Variants in ESCO2 observed in about 807,000 individuals in gnomAD.
The protein encoded by ESCO2 is establishment of sister chromatid cohesion N-acetyltransferase 2, also known as N-acetyltransferase ESCO2.
Under a neutral mutation model 61.7 loss-of-function variants are expected in ESCO2, and 51 were observed. The ratio of observed to expected loss-of-function variants is 0.83; its 90% CI spans 0.66 to 1.04. The LOEUF (loss-of-function observed/expected upper bound fraction) is 1.04. Ranked by LOEUF, ESCO2 falls within the 50% of genes least tolerant of loss-of-function variation. ESCO2 has a pLI of 0.00. For missense variants in ESCO2, 692 were observed against 686.2 expected, an observed-to-expected ratio of 1.01 and a Z score of -0.09; for synonymous variants, 230 against 238.2, an observed-to-expected ratio of 0.97 and a Z score of 0.32.
intron 9 of ESCO2, 119 bp downstream of exon 9, chr8:27,792,930 C>T: frequency 1.7e-6 from 2 of 1,151,002 alleles, no homozygotes; most frequent in Non-Finnish European, 2.4e-6. Flanking sequence ...CTGAAATATC[C>T]TTGACCTAGT....
At chr8:27,806,235 A>G (rs1805559227), downstream of ESCO2, among the ~76,000 whole-genome samples, 1 of 152,184 alleles carries the variant, frequency 6.6e-6, no homozygotes, top group Non-Finnish European at 1.5e-5. Context: ...ACAGAAACAT[A>G]TTCCTATTGA....
chr8:27,789,459 A>T (rs1335372380), intron 7 of ESCO2, among the ~76,000 whole-genome samples: 1 of 152,116 alleles, frequency 6.6e-6, no homozygotes, highest in Non-Finnish European at 1.5e-5. Flanking sequence ...CTGGGTTCCC[A>T]TAGTGCTACC....
chr8:27,786,254 G>T (rs535416551), intron 5 of ESCO2, among the ~76,000 whole-genome samples: 1 of 152,316 alleles, frequency 6.6e-6, no homozygotes, highest in African/African-American at 2.4e-5. Flanking sequence ...TTTAAAGAAG[G>T]GGTCGGGAGC....
In ESCO2 at chr8:27,803,850, A is replaced by G; in HGVS notation, c.*412A>G. On this transcript the variant is annotated 3_prime_UTR_variant, in exon 11 of 11. Coordinates refer to ENST00000305188, the MANE Select transcript of ESCO2 (RefSeq NM_001017420.3). ...ATGCCACATCAGAAGCAAACAGGCA[A>G]ATTTAAACTTGGGCAAGTAATTTCT... 1 of 990,466 alleles carries G rather than the reference A, an allele frequency of 1.0e-6. No homozygotes were observed. The highest frequency in any genetic ancestry group is 5.2e-4 in the Middle Eastern group (1 of 1,920). The allele number at this position is 990,466 out of a possible 1,614,324, so 61.4% of individuals were successfully genotyped here.
intron 1 of ESCO2, among the ~76,000 whole-genome samples, chr8:27,775,191 C>T (rs1264513299): frequency 6.6e-6 from 1 of 152,176 alleles, no homozygotes; most frequent in East Asian, 1.9e-4. Context: ...TGGCAGAGGA[C>T]TGTGCTTCAC....
At chr8:27,783,720 C>T (rs561515940) in intron 4 of ESCO2, among the ~76,000 whole-genome samples, 31 of 152,272 alleles carry the variant, frequency 2.0e-4, no homozygotes, top group African/African-American at 6.7e-4. Flanking sequence ...GGATTACAAG[C>T]ATGAGCCACC....
chr8:27,772,647 T>C (rs755153478), upstream of ESCO2: 64 of 1,109,944 alleles, frequency 5.8e-5, no homozygotes, highest in Non-Finnish European at 8.2e-5. Context: ...AACTCCTCCG[T>C]GCACTTCCGG....
chr8:27,773,803 C>T (rs1051942535), upstream of ESCO2: 1 of 152,220 alleles, frequency 6.6e-6, no homozygotes, highest in African/African-American at 2.4e-5. Flanking sequence ...GCCAGAAACA[C>T]TGTACCAGGA....
intron 4 of ESCO2, 91 bp downstream of exon 4, chr8:27,780,358 T>C: frequency 1.1e-6 from 1 of 906,716 alleles, no homozygotes; most frequent in East Asian, 2.5e-5. Context: ...TCTGGGTCTT[T>C]CTTTTTTCAG....
At chr8:27,788,127 A>T in intron 6 of ESCO2, 125 bp downstream of exon 6, 1 of 706,710 alleles carries the variant, frequency 1.4e-6, no homozygotes. Flanking sequence ...ATGTGACAGA[A>T]TGGGAGTTGT....
At chr8:27,786,977 A>T (rs1391842452) in intron 5 of ESCO2, among the ~76,000 whole-genome samples, 1 of 152,042 alleles carries the variant, frequency 6.6e-6, no homozygotes, top group Non-Finnish European at 1.5e-5. Flanking sequence ...CAGTACCTAC[A>T]GAACCAGCAG....
At position 27,784,047 on chromosome 8, in the gene ESCO2, A is replaced by G; in HGVS notation, c.1003A>G (p.Asn335Asp). The change falls in exon 5 of 11, where the codon AAT becomes GAT. Residue 335 changes from asparagine to aspartate, a missense_variant. Physicochemically the swap from Asn to Asp is conservative, Grantham distance 23. Coordinates refer to ENST00000305188, the MANE Select transcript of ESCO2 (RefSeq NM_001017420.3). The stretch of plus-strand genomic sequence containing the variant: ...TCCAATCTTCAGTGCATCTTCAGTC[A>G]ATTCAAAAAGGTGAGAATTGTTATT... ...VYPIFSASSV[N>D]SKRSLGEEQF... 1 of 1,613,482 alleles carries G rather than the reference A, an allele frequency of 6.2e-7. No individual in the cohort carries two copies. Among genetic ancestry groups the G allele is most frequent in the Non-Finnish European group, 8.5e-7 (1 of 1,179,556 alleles).
intron 4 of ESCO2, among the ~76,000 whole-genome samples, chr8:27,781,155 T>A (rs1042398969): frequency 1.3e-5 from 2 of 152,192 alleles, no homozygotes; most frequent in Non-Finnish European, 2.9e-5. Context: ...ACCAAAACTT[T>A]ATTACTTAAT....
intron 7 of ESCO2, 141 bp downstream of exon 7, chr8:27,789,119 A>C: frequency 8.9e-7 from 1 of 1,120,220 alleles, no homozygotes; most frequent in Non-Finnish European, 1.3e-6. Flanking sequence ...TTTAAGATAA[A>C]TATTTTGTAA....
chr8:27,788,715 C>T, intron 6 of ESCO2, 132 bp from the exon 7 acceptor site: 1 of 1,086,442 alleles, frequency 9.2e-7, no homozygotes, highest in Non-Finnish European at 1.4e-6. Flanking sequence ...ACCAGATTTT[C>T]ATTTAGTTTT....
intron 3 of ESCO2, 60 bp from the exon 4 acceptor site, chr8:27,780,114 T>C (rs950126759): frequency 7.2e-6 from 7 of 971,192 alleles, no homozygotes; most frequent in Non-Finnish European, 1.2e-5. Context: ...CTGGGATTCA[T>C]TCACTAGAAA....
chr8:27,813,235 A>G (rs1446329620), downstream of ESCO2, among the ~76,000 whole-genome samples: 1 of 152,090 alleles, frequency 6.6e-6, no homozygotes, highest in Admixed American at 6.6e-5. Flanking sequence ...ACCAAACACC[A>G]CATGTCCTGA....
At chr8:27,777,482 AGAG>A (rs1804822576) in intron 3 of ESCO2, 1 of 216,020 alleles carries the variant, frequency 4.6e-6, no homozygotes, top group Non-Finnish European at 9.2e-6. Context: ...CATTTTTTGT[AGAG>A]GCTGGGGTTT....
At chr8:27,782,535 C>T (rs190981003) in intron 4 of ESCO2, among the ~76,000 whole-genome samples, 2 of 152,192 alleles carry the variant, frequency 1.3e-5, no homozygotes, top group East Asian at 3.9e-4. Flanking sequence ...TACCTTTCAT[C>T]TCATAGTTCA....
Sources: gnomAD v4.1 joint callset for allele counts (sites outside exome capture counted in the v4.1 genomes callset) on GRCh38, gnomAD v4.1.1 for gene constraint, MANE v1.5 for transcripts, NCBI Gene and HGNC (gene_info 2026-07-23, HGNC 2026-07-21) for gene names.